Variants in PDP2 observed in about 807,000 individuals in gnomAD.
PDP2 encodes [Pyruvate dehydrogenase [acetyl-transferring]]-phosphatase 2, mitochondrial.
Under a neutral mutation model 34.2 loss-of-function variants are expected in PDP2, and 23 were observed. The ratio of observed to expected loss-of-function variants is 0.67; its 90% CI spans 0.48 to 0.95. The LOEUF (loss-of-function observed/expected upper bound fraction) is 0.95. PDP2 is among the 40% of genes least tolerant of loss of function. The probability of loss-of-function intolerance (pLI) is 0.00; values close to 1 mark genes in which losing one functional copy is unlikely to be tolerated. For synonymous variants in PDP2, 275 were observed against 269.2 expected, an observed-to-expected ratio of 1.02 and a Z score of -0.21; for missense variants, 571 against 659.6, an observed-to-expected ratio of 0.87 and a Z score of 1.47.
At position 66,885,539 on chromosome 16, in the gene PDP2, A is replaced by C; in HGVS notation, c.1255A>C (p.Ser419Arg). The C allele has an allele frequency of 6.2e-7, 1 of 1,614,102 alleles. No homozygotes were observed. Among genetic ancestry groups the C allele is most frequent in the East Asian group, 2.2e-5 (1 of 44,874 alleles). ...CTCAGATGGCCTGTGGGACATGCTG[A>C]GCAATGAGGACGTGGTAAGGCTGGT... is the stretch of plus-strand genomic sequence containing the variant. The part of the protein sequence containing the change: ...LASDGLWDML[S>R]NEDVVRLVVG... Residue 419 changes from serine to arginine, a missense_variant, in exon 2 of 2, where the codon AGC (serine) becomes CGC (arginine). This residue lies in a region of PDP2 where 281 missense variants were observed against 375.8 expected (regional missense o/e 0.75). Transcript: ENST00000311765. The surrounding 1 kb of genome is among the most constrained non-coding windows in gnomAD (Gnocchi z 4.6).
In PDP2 at chr16:66,885,152, A is replaced by C. The variant is rs1196519895; in HGVS notation, c.868A>C (p.Ile290Leu). The C allele has an allele frequency of 6.2e-7, 1 of 1,614,012 alleles. No individual in the cohort carries two copies. Among genetic ancestry groups the C allele is most frequent in the Admixed American group, 1.7e-5 (1 of 60,012 alleles). The change falls in exon 2 of 2, where the codon ATC (isoleucine) becomes CTC (leucine). Residue 290 changes from isoleucine to leucine, a missense_variant. Ile to Leu is a conservative substitution (Grantham distance 5). This residue lies in a region of PDP2 where 281 missense variants were observed against 375.8 expected (regional missense o/e 0.75). Coordinates refer to ENST00000311765, the MANE Select transcript of PDP2 (RefSeq NM_020786.4). The surrounding 1 kb of genome is among the most constrained non-coding windows in gnomAD (Gnocchi z 4.6). ...HVANAGDCRAILGVQEDNGMW... is the reference protein window; with the variant it reads ...HVANAGDCRALLGVQEDNGMW... ...GGCAAATGCTGGTGACTGCCGAGCCATCCTTGGTGTCCAAGAGGACAATGG... is the reference window on the plus strand; with the variant it reads ...GGCAAATGCTGGTGACTGCCGAGCCCTCCTTGGTGTCCAAGAGGACAATGG...
chr16:66,885,413 C>T lies in PDP2; in HGVS notation c.1129C>T (p.Gln377Ter). The T allele has an allele frequency of 1.2e-6, 2 of 1,613,920 alleles. No individual in the cohort carries two copies. Among genetic ancestry groups the T allele is most frequent in the Non-Finnish European group, 1.7e-6 (2 of 1,180,044 alleles). The change falls in exon 2 of 2, where the codon CAG (glutamine) becomes TAG (stop). Residue 377 changes from glutamine to a stop codon, truncating the protein, a stop_gained. Transcript: ENST00000311765. LOFTEE classifies it high-confidence loss of function. This position sits in a 1 kb window ranked among gnomAD's most constrained non-coding sequence, Gnocchi z 4.6. ...GFNTEALNIY[Q>*]FTPPHYYTPP... ...CAATACCGAGGCCCTCAACATTTAC[C>T]AGTTCACACCCCCACACTACTACAC...
At position 66,884,667 on chromosome 16, in the gene PDP2, C is replaced by T; in HGVS notation, c.383C>T (p.Ser128Phe). Residue 128 changes from serine (S) to phenylalanine (F), a missense_variant, in exon 2 of 2, where the codon TCC (serine) becomes TTC (phenylalanine). Coordinates refer to ENST00000311765, the MANE Select transcript of PDP2 (RefSeq NM_020786.4). ...SPVEDRRGVA[S>F]CLQTNGLMFG... ...GTGGAGGACCGGCGAGGTGTAGCCT[C>T]CTGCCTGCAAACCAATGGACTGATG... The T allele has an allele frequency of 6.2e-7, 1 of 1,614,216 alleles. No homozygotes were observed. The highest frequency in any genetic ancestry group is 8.5e-7 in the Non-Finnish European group (1 of 1,180,038).
chr16:66,882,169 ATGAC>A lies in PDP2; in HGVS notation c.-55+1532_-55+1535del, dbSNP rs529100952. On this transcript the variant is annotated intron_variant, in intron 1 of 1. Transcript: ENST00000311765. ...ACAACTCTACAAAAATACGTACAGA[ATGAC>A]TGTGCGCAGTAGCTCCCACCTGTAA... Among the ~76,000 whole-genome samples the A allele has an allele frequency of 1.2e-4, 18 of 152,352 alleles. No individual in the cohort carries two copies. In the East Asian group the frequency reaches 3.3e-3, roughly 28 times the overall value.
At position 66,885,958 on chromosome 16, in the gene PDP2, A is replaced by G; in HGVS notation, c.*84A>G. ...CTCCTAAACTAGCTATCCAAACCTT[A>G]CTATTAAAAGCGCAGGCAGATTTAA... is the stretch of plus-strand genomic sequence containing the variant. On this transcript the variant is annotated 3_prime_UTR_variant, in exon 2 of 2. Transcript: ENST00000311765. This position sits in a 1 kb window ranked among gnomAD's most constrained non-coding sequence, Gnocchi z 4.6. The G allele has an allele frequency of 2.2e-6, 3 of 1,375,624 alleles. No individual in the cohort carries two copies. Among genetic ancestry groups the G allele is most frequent in the Non-Finnish European group, 3.0e-6 (3 of 1,004,990 alleles). 85.2% of individuals were successfully genotyped at this position (1,375,624 alleles called of 1,614,324 possible). A position where few individuals can be genotyped will look rare whatever the true frequency, so the allele number is the denominator to read the frequency against.
In PDP2 at chr16:66,884,962, C is replaced by A; in HGVS notation, c.678C>A (p.Ser226Arg). 2 of 1,613,806 alleles carry A rather than the reference C, an allele frequency of 1.2e-6. No individual in the cohort carries two copies. The highest frequency in any genetic ancestry group is 2.2e-5 in the South Asian group (2 of 91,088). ...LLDLHMEMGL[S>R]IEEALMYSFQ... ...ATTTGCACATGGAAATGGGACTAAG[C>A]ATTGAAGAAGCATTAATGTACTCCT... is the stretch of plus-strand genomic sequence containing the variant. The change falls in exon 2 of 2, where the codon AGC (serine) becomes AGA (arginine). Residue 226 changes from serine to arginine, a missense_variant. By Grantham distance (110) the Ser-to-Arg change is moderately radical. This residue lies in a region of PDP2 where 290 missense variants were observed against 283.8 expected (regional missense o/e 1.02). Transcript: ENST00000311765.
In PDP2 at chr16:66,886,022, C is replaced by T. The variant is rs544385087; in HGVS notation, c.*148C>T. On this transcript the variant is annotated 3_prime_UTR_variant, in exon 2 of 2. Transcript: ENST00000311765. ...CTAACAGGAGGAAAAAAACAAACAG[C>T]CTAGCTTTAAAAAACAGTGAAATAG... is the stretch of plus-strand genomic sequence containing the variant. The T allele has an allele frequency of 1.3e-6, 1 of 764,124 alleles. No homozygotes were observed. The highest frequency in any genetic ancestry group is 1.8e-5 in the African/African-American group (1 of 56,772). 47.3% of individuals were successfully genotyped at this position (764,124 alleles called of 1,614,324 possible).
At position 66,885,102 on chromosome 16, in the gene PDP2, A is replaced by G; in HGVS notation, c.818A>G (p.His273Arg). ...AFSGATACMA[H>R]VDGIHLHVAN... ...TCTGGGGCAACAGCTTGCATGGCCC[A>G]TGTTGATGGAATTCACTTGCACGTG... Residue 273 changes from histidine (H) to arginine (R), a missense_variant, in exon 2 of 2, where the codon CAT (histidine) becomes CGT (arginine). This residue lies in a region of PDP2 where 281 missense variants were observed against 375.8 expected (regional missense o/e 0.75). Coordinates refer to ENST00000311765, the MANE Select transcript of PDP2 (RefSeq NM_020786.4). This position sits in a 1 kb window ranked among gnomAD's most constrained non-coding sequence, Gnocchi z 4.6. 3.1e-6 allele frequency: 5 copies of G among 1,614,028 alleles called. No homozygotes were observed. Among genetic ancestry groups the G allele is most frequent in the Non-Finnish European group, 4.2e-6 (5 of 1,180,040 alleles).
intron 1 of PDP2, among the ~76,000 whole-genome samples, chr16:66,883,383 C>T (rs992299528): frequency 1.2e-4 from 19 of 152,168 alleles, no homozygotes; most frequent in South Asian, 6.2e-4. Flanking sequence ...CAGCCCACCT[C>T]GGCCTCCCAA....
Position 66,885,097 on chromosome 16 carries a change from G to A in PDP2, c.813G>A (p.Met271Ile). Residue 271 changes from methionine (M) to isoleucine (I), a missense_variant, in exon 2 of 2, where the codon ATG (methionine) becomes ATA (isoleucine). Met to Ile is a conservative substitution (Grantham distance 10). Coordinates refer to ENST00000311765, the MANE Select transcript of PDP2 (RefSeq NM_020786.4). This position sits in a 1 kb window ranked among gnomAD's most constrained non-coding sequence, Gnocchi z 4.6. ...QVAFSGATAC[M>I]AHVDGIHLHV... is the part of the protein sequence containing the mutation. ...CTTTCTCTGGGGCAACAGCTTGCAT[G>A]GCCCATGTTGATGGAATTCACTTGC... is the stretch of plus-strand genomic sequence containing the variant. 2.5e-6 allele frequency: 4 copies of A among 1,614,012 alleles called. No homozygotes were observed. The South Asian group carries it at 4.4e-5, about 18-fold the overall frequency.
chr16:66,888,946 C>G lies in PDP2; in HGVS notation c.*3072C>G, dbSNP rs772133634. On this transcript the variant is annotated 3_prime_UTR_variant, in exon 2 of 2. Transcript: ENST00000311765. ...AGAAGAAAGGCTTATTTATCATTTGCTTTTTTTCCACTGTGAATCATCTGT... is the reference window on the plus strand; with the variant it reads ...AGAAGAAAGGCTTATTTATCATTTGGTTTTTTTCCACTGTGAATCATCTGT... 5 of 152,178 alleles carry G rather than the reference C, an allele frequency of 3.3e-5. No individual in the cohort carries two copies. The highest frequency in any genetic ancestry group is 5.9e-5 in the Non-Finnish European group (4 of 68,024). 9.4% of individuals were successfully genotyped at this position (152,178 alleles called of 1,614,324 possible). A position where few individuals can be genotyped will look rare whatever the true frequency, so the allele number is the denominator to read the frequency against.
chr16:66,887,993 CCTTCCTTCCTTCCTTCCTTCCTTCCTT>C lies in PDP2; in HGVS notation c.*2121_*2147del, dbSNP rs1348127121. On this transcript the variant is annotated 3_prime_UTR_variant, in exon 2 of 2. Coordinates refer to ENST00000311765, the MANE Select transcript of PDP2 (RefSeq NM_020786.4). Reference sequence around the variant, plus strand: ...AAATCCATCTTATCTCTTAGTCCGTCCTTCCTTCCTTCCTTCCTTCCTTCCTTCCTTCCTTCCTTCCTTCCTTCCTTC... The same window carrying C: ...AAATCCATCTTATCTCTTAGTCCGTCCCTTCCTTCCTTCCTTCCTTCCTTC... The C allele has an allele frequency of 8.6e-4, 6 of 7,010 alleles. No homozygotes were observed. Among genetic ancestry groups the C allele is most frequent in the African/African-American group, 6.8e-3 (6 of 884 alleles). 0.4% of individuals were successfully genotyped at this position (7,010 alleles called of 1,614,324 possible). A position where few individuals can be genotyped will look rare whatever the true frequency, so the allele number is the denominator to read the frequency against.
intron 1 of PDP2, among the ~76,000 whole-genome samples, chr16:66,882,755 C>G (rs1238748936): frequency 6.6e-6 from 1 of 152,150 alleles, no homozygotes; most frequent in East Asian, 1.9e-4. Context: ...CACTGGAAAG[C>G]TGTTGGTGAG....
chr16:66,886,483 A>G lies in PDP2; in HGVS notation c.*609A>G. 2.2e-6 allele frequency: 1 copy of G among 449,126 alleles called. No homozygotes were observed. Among genetic ancestry groups the G allele is most frequent in the Non-Finnish European group, 4.7e-6 (1 of 213,794 alleles). 27.8% of individuals were successfully genotyped at this position (449,126 alleles called of 1,614,324 possible). ...TCTGTTTTCGTTTATTTTAAAACTG[A>G]ATCCTTAAACTTGCAAACACGCCTA... On this transcript the variant is annotated 3_prime_UTR_variant, in exon 2 of 2. Coordinates refer to ENST00000311765, the MANE Select transcript of PDP2 (RefSeq NM_020786.4).
rs922101572 is a variant in PDP2, at chr16:66,888,619, T to A, written c.*2745T>A. The stretch of plus-strand genomic sequence containing the variant: ...ACAGGCATGAACCATCAGGCCCAGA[T>A]AATTAAAAAAACTTTTTTTGGTGAA... On this transcript the variant is annotated 3_prime_UTR_variant, in exon 2 of 2. Transcript: ENST00000311765. 6.6e-6 allele frequency: 1 copy of A among 152,180 alleles called. No homozygotes were observed. Among genetic ancestry groups the A allele is most frequent in the African/African-American group, 2.4e-5 (1 of 41,450 alleles). The allele number at this position is 152,180 out of a possible 1,614,324, so 9.4% of individuals were successfully genotyped here. A position where few individuals can be genotyped will look rare whatever the true frequency, so the allele number is the denominator to read the frequency against.
At position 66,885,041 on chromosome 16, in the gene PDP2, G is replaced by A; in HGVS notation, c.757G>A (p.Glu253Lys). The A allele has an allele frequency of 3.1e-6, 5 of 1,613,836 alleles. No homozygotes were observed. In the South Asian group the frequency reaches 5.5e-5, roughly 18 times the overall value. Residue 253 changes from glutamate to lysine, a missense_variant, in exon 2 of 2, where the codon GAG becomes AAG. By Grantham distance (56) the Glu-to-Lys change is moderately conservative. Coordinates refer to ENST00000311765, the MANE Select transcript of PDP2 (RefSeq NM_020786.4). The surrounding 1 kb of genome is among the most constrained non-coding windows in gnomAD (Gnocchi z 4.6). ...SLEIQAPLED[E>K]VTRNLSLQVA... is the part of the protein sequence containing the mutation. ...GGAAATCCAGGCCCCCCTGGAAGAT[G>A]AGGTGACAAGGAACCTGTCACTCCA...
rs1219575311 is a variant in PDP2 at position 66,886,024 on chromosome 16, T to C, written c.*150T>C. ...AACAGGAGGAAAAAAACAAACAGCCTAGCTTTAAAAAACAGTGAAATAGCA... is the reference window on the plus strand; with the variant it reads ...AACAGGAGGAAAAAAACAAACAGCCCAGCTTTAAAAAACAGTGAAATAGCA... On this transcript the variant is annotated 3_prime_UTR_variant, in exon 2 of 2. Coordinates refer to ENST00000311765, the MANE Select transcript of PDP2 (RefSeq NM_020786.4). 1.3e-6 allele frequency: 1 copy of C among 752,022 alleles called. No individual in the cohort carries two copies. The highest frequency in any genetic ancestry group is 2.2e-6 in the Non-Finnish European group (1 of 458,484). The allele number at this position is 752,022 out of a possible 1,614,324, so 46.6% of individuals were successfully genotyped here.
At position 66,885,631 on chromosome 16, in the gene PDP2, G is replaced by T; in HGVS notation, c.1347G>T (p.Gly449=). Residue 449 remains glycine, a synonymous_variant, in exon 2 of 2, where the codon GGG becomes GGT. Transcript: ENST00000311765. This position sits in a 1 kb window ranked among gnomAD's most constrained non-coding sequence, Gnocchi z 4.6. The part of the protein sequence containing the change: ...TDLAQRPANL[G]LMQSLLLQRK... ...TGGCCCAGAGACCCGCCAACTTGGGGCTCATGCAGAGCCTGCTGCTGCAGA... is the reference window on the plus strand; with the variant it reads ...TGGCCCAGAGACCCGCCAACTTGGGTCTCATGCAGAGCCTGCTGCTGCAGA... 6.2e-7 allele frequency: 1 copy of T among 1,614,076 alleles called. No individual in the cohort carries two copies. Among genetic ancestry groups the T allele is most frequent in the African/African-American group, 1.3e-5 (1 of 75,052 alleles).
In PDP2 at chr16:66,885,826, G is replaced by A. The variant is rs746287403; in HGVS notation, c.1542G>A (p.Val514=). The part of the protein sequence containing the change: ...RMYRDDITVT[V]VYFNSESIGA... ...ACAGGGATGATATCACTGTCACTGT[G>A]GTGTATTTTAACTCAGAATCAATCG... Residue 514 remains valine (V), a synonymous_variant, in exon 2 of 2, where the codon GTG becomes GTA. Transcript: ENST00000311765. This position sits in a 1 kb window ranked among gnomAD's most constrained non-coding sequence, Gnocchi z 4.6. The A allele has an allele frequency of 2.5e-6, 4 of 1,612,606 alleles. No homozygotes were observed. In the African/African-American group the frequency reaches 4.0e-5, roughly 16 times the overall value.
Sources: gnomAD v4.1 joint callset for allele counts (sites outside exome capture counted in the v4.1 genomes callset) on GRCh38, gnomAD v4.1.1 for gene constraint, gnomAD v4.1.1 regional missense constraint, Gnocchi (gnomAD v3.1) non-coding constraint, MANE v1.5 for transcripts, NCBI Gene and HGNC (gene_info 2026-07-23, HGNC 2026-07-21) for gene names.